SPAST: variants seen among roughly 807,000 people sequenced by gnomAD.
SPAST encodes the protein spastin.
In SPAST, 30 loss-of-function variants were observed where a neutral mutation model predicts 76.6. That is an observed-to-expected ratio of 0.39 (90% confidence interval 0.29 to 0.53). The LOEUF (loss-of-function observed/expected upper bound fraction) is 0.53, where lower values mean the gene tolerates loss of function less well. SPAST is among the 20% of genes least tolerant of loss of function. The pLI is 0.68. For synonymous variants in SPAST, 305 were observed against 281.0 expected (o/e 1.09, Z -0.86); for missense variants, 717 against 770.5 (o/e 0.93, Z 0.82).
At chr2:32,069,439 A>T (rs1229045501) in intron 1 of SPAST, among the ~76,000 whole-genome samples, 1 of 152,166 alleles carries the variant, frequency 6.6e-6, no homozygotes, top group Admixed American at 6.6e-5. Context: ...ATATATGATC[A>T]AATAGAAACG....
At chr2:32,106,902 C>A (rs922928828) in intron 4 of SPAST, among the ~76,000 whole-genome samples, 9 of 148,056 alleles carry the variant, frequency 6.1e-5, no homozygotes, top group South Asian at 2.1e-4. Flanking sequence ...AAAAAAAAAA[C>A]AAAGAAATGT....
intron 1 of SPAST, among the ~76,000 whole-genome samples, chr2:32,080,519 T>C (rs942241380): frequency 5.3e-5 from 8 of 151,904 alleles, no homozygotes; most frequent in African/African-American, 1.7e-4. Context: ...TGATGTAGTC[T>C]GGTTGGTTGA....
chr2:32,103,003 C>G (rs1678186209), intron 4 of SPAST, among the ~76,000 whole-genome samples: 1 of 152,182 alleles, frequency 6.6e-6, no homozygotes, highest in Non-Finnish European at 1.5e-5. Context: ...GGAGGATTCC[C>G]TCTTTTTCTA....
At chr2:32,073,750 T>C (rs530241391) in intron 1 of SPAST, among the ~76,000 whole-genome samples, 40 of 152,216 alleles carry the variant, frequency 2.6e-4, no homozygotes, top group Non-Finnish European at 5.1e-4. Context: ...ACACATCATA[T>C]ACAATAAAAC....
intron 4 of SPAST, among the ~76,000 whole-genome samples, chr2:32,099,939 A>T (rs897625994): frequency 2.8e-5 from 4 of 143,564 alleles, no homozygotes; most frequent in African/African-American, 1.0e-4. Flanking sequence ...TTGATTCTGT[A>T]TCTTGGCTGT....
intron 7 of SPAST, among the ~76,000 whole-genome samples, chr2:32,118,644 A>T (rs1678921554): frequency 6.6e-6 from 1 of 152,198 alleles, no homozygotes. Context: ...CGATTCATTG[A>T]TAAAGAAACT....
intron 1 of SPAST, among the ~76,000 whole-genome samples, chr2:32,084,385 C>T (rs540051788): frequency 2.7e-5 from 4 of 148,714 alleles, no homozygotes; most frequent in South Asian, 2.2e-4. Flanking sequence ...AGGATGGTCT[C>T]GATCTCCTGA....
chr2:32,111,817 C>G (rs888754739), intron 4 of SPAST, among the ~76,000 whole-genome samples: 33 of 151,606 alleles, frequency 2.2e-4, no homozygotes, highest in African/African-American at 7.7e-4. Flanking sequence ...TTTGGACATA[C>G]CTCATTTCCA....
intron 1 of SPAST, among the ~76,000 whole-genome samples, chr2:32,074,362 G>A (rs893665841): frequency 2.0e-5 from 3 of 152,260 alleles, no homozygotes; most frequent in Middle Eastern, 3.4e-3. Flanking sequence ...TAATTGTAGA[G>A]TGGTCTTGTT....
chr2:32,085,495 G>A (rs1482510892), intron 1 of SPAST, among the ~76,000 whole-genome samples: 3 of 152,070 alleles, frequency 2.0e-5, no homozygotes, highest in African/African-American at 7.2e-5. Context: ...GGGATTATAG[G>A]CGTGAGCAAA....
intron 3 of SPAST, among the ~76,000 whole-genome samples, chr2:32,095,572 T>TA (rs35757220): frequency 0.016 from 2,319 of 141,480 alleles, 47 homozygotes; most frequent in African/African-American, 0.047. Context: ...TGTCTAAATT[T>TA]AAAAAAAAAA....
intron 15 of SPAST, among the ~76,000 whole-genome samples, chr2:32,146,540 G>A (rs987110994): frequency 6.6e-6 from 1 of 151,588 alleles, no homozygotes; most frequent in Non-Finnish European, 1.5e-5. Flanking sequence ...ACTCCAGCCT[G>A]GGTGGGTGAC....
chr2:32,111,446 G>A (rs1215228174), intron 4 of SPAST, among the ~76,000 whole-genome samples: 1 of 146,336 alleles, frequency 6.8e-6, no homozygotes, highest in Non-Finnish European at 1.5e-5. Context: ...ATAGTATACT[G>A]TATAGTATAT....
chr2:32,086,542 C>A, intron 1 of SPAST, among the ~76,000 whole-genome samples: 1 of 150,454 alleles, frequency 6.6e-6, no homozygotes, highest in South Asian at 2.1e-4. Flanking sequence ...GCGGGTGGAT[C>A]ACCTGAGTTC....
chr2:32,115,769 A>T lies in SPAST; in HGVS notation c.938A>T (p.Asp313Val). Reference protein sequence around the residue: ...TPTTATRKKKDLKNFRNVDSN... With the variant: ...TPTTATRKKKVLKNFRNVDSN... ...ACAACTGCTACTCGTAAGAAAAAAG[A>T]CTTGAAGAATTTTAGGAATGTGGAC... Residue 313 changes from aspartate (D) to valine (V), a missense_variant, in exon 6 of 17, where the codon GAC (aspartate) becomes GTC (valine). Physicochemically the swap from Asp to Val is radical, Grantham distance 152. Transcript: ENST00000315285. The T allele has an allele frequency of 2.5e-6, 4 of 1,611,604 alleles. No homozygotes were observed. Among genetic ancestry groups the T allele is most frequent in the Non-Finnish European group, 3.4e-6 (4 of 1,178,030 alleles).
Position 32,064,118 on chromosome 2 carries a change from C to A in SPAST, c.287C>A (p.Ala96Glu). ...GCAGCCAAGAGGAGCTCCGGGGCCG[C>A]GCCAGCACCTGCCTCGGCCTCGGCC... ...LMAAKRSSGA[A>E]PAPASASAPA... Residue 96 changes from alanine to glutamate, a missense_variant, in exon 1 of 17, where the codon GCG becomes GAG. Physicochemically the swap from Ala to Glu is moderately radical, Grantham distance 107 (BLOSUM62 -1). Transcript: ENST00000315285. The A allele has an allele frequency of 6.3e-7, 1 of 1,596,298 alleles. No homozygotes were observed. Among genetic ancestry groups the A allele is most frequent in the Non-Finnish European group, 8.5e-7 (1 of 1,171,842 alleles).
At chr2:32,116,284 G>T in intron 7 of SPAST, 72 bp downstream of exon 7, 1 of 942,218 alleles carries the variant, frequency 1.1e-6, no homozygotes. Context: ...TAGTAGTAAA[G>T]AAATATTTGA....
intron 13 of SPAST, 151 bp downstream of exon 13, chr2:32,142,097 C>T: frequency 1.6e-6 from 1 of 640,474 alleles, no homozygotes; most frequent in Non-Finnish European, 2.7e-6. Context: ...ACTGTCAGAG[C>T]CAGCAATTTC....
At chr2:32,071,391 C>G (rs1410852139) in intron 1 of SPAST, among the ~76,000 whole-genome samples, 3 of 152,132 alleles carry the variant, frequency 2.0e-5, no homozygotes, top group Non-Finnish European at 4.4e-5. Flanking sequence ...TTTTTCTGTT[C>G]ATAGTTTTAA....
Sources: allele counts gnomAD v4.1 joint callset (sites outside exome capture counted in the v4.1 genomes callset), GRCh38; gene constraint gnomAD v4.1.1; transcripts MANE v1.5; gene names NCBI Gene and HGNC (gene_info 2026-07-23, HGNC 2026-07-21).